Variants in EFCAB11 observed in about 807,000 individuals in gnomAD.
The protein encoded by EFCAB11 is EF-hand calcium binding domain 11, also known as EF-hand calcium-binding domain-containing protein 11.
EFCAB11 carries 14 observed loss-of-function variants against 23.0 expected under a neutral mutation model. The observed-to-expected ratio is 0.61, with a 90% CI of 0.40 to 0.95. The LOEUF is 0.95. Ranked by LOEUF, EFCAB11 falls within the 40% of genes least tolerant of loss-of-function variation. The probability of loss-of-function intolerance (pLI) is 0.00; values close to 1 mark genes in which losing one functional copy is unlikely to be tolerated. For missense variants in EFCAB11, 198 were observed against 195.8 expected (o/e 1.01, Z -0.07); for synonymous variants, 65 against 66.6 (o/e 0.98, Z 0.11).
chr14:89,881,144 A>G (rs1222751000), intron 5 of EFCAB11, among the ~76,000 whole-genome samples: 1 of 151,794 alleles, frequency 6.6e-6, no homozygotes, highest in Non-Finnish European at 1.5e-5. Flanking sequence ...ACAACTGGTG[A>G]TTATATGGTT....
chr14:89,878,425 T>C (rs1210032889), intron 5 of EFCAB11, among the ~76,000 whole-genome samples: 2 of 152,170 alleles, frequency 1.3e-5, no homozygotes, highest in African/African-American at 4.8e-5. Context: ...TGCTACCCAC[T>C]ATTTAAATAT....
intron 5 of EFCAB11, among the ~76,000 whole-genome samples, chr14:89,812,104 T>C (rs569033413): frequency 2.0e-5 from 3 of 152,194 alleles, no homozygotes. Flanking sequence ...GGAACAAATA[T>C]GCTTTTCACT....
At chr14:89,831,817 A>G (rs539433796) in intron 5 of EFCAB11, among the ~76,000 whole-genome samples, 3 of 152,372 alleles carry the variant, frequency 2.0e-5, no homozygotes, top group East Asian at 1.9e-4. Context: ...TGCTTCATAT[A>G]TAAGCAAATT....
rs780315753 is a variant in EFCAB11 at position 89,882,908 on chromosome 14, G to A, written c.410+48633C>T. On this transcript the variant is annotated intron_variant, in intron 5 of 5. Coordinates refer to ENST00000316738, the MANE Select transcript of EFCAB11 (RefSeq NM_145231.4). The stretch of plus-strand genomic sequence containing the variant: ...AGTGGGTCCTCATGAACAGATGAAT[G>A]TGCTCTCTTGGGGTTGAGGGTGAGT... Among the ~76,000 whole-genome samples the A allele has an allele frequency of 1.2e-4, 18 of 152,302 alleles. No homozygotes were observed. The South Asian group carries it at 1.7e-3, about 14-fold the overall frequency.
chr14:89,834,233 G>A (rs1049705520), intron 5 of EFCAB11, among the ~76,000 whole-genome samples: 4 of 151,678 alleles, frequency 2.6e-5, no homozygotes, highest in Admixed American at 6.6e-5. Flanking sequence ...AAAATTAGCC[G>A]AGCATGGTGG....
Position 89,950,124 on chromosome 14 carries a change from T to A in EFCAB11, c.190A>T (p.Met64Leu), listed in dbSNP as rs774173125. ...KPSKIEVDSVMSSINPNTSGI... is the reference protein window; with the variant it reads ...KPSKIEVDSVLSSINPNTSGI... ...GAAGTATTTGGATTTATTGAAGACA[T>A]CACAGAATCCACTTCTATCTAGAAA... is the stretch of plus-strand genomic sequence containing the variant. The change falls in exon 3 of 6, where the codon ATG becomes TTG. Residue 64 changes from methionine to leucine, a missense_variant. Physicochemically the swap from Met to Leu is conservative, Grantham distance 15 (BLOSUM62 2). Coordinates refer to ENST00000316738, the MANE Select transcript of EFCAB11 (RefSeq NM_145231.4). 38 of 1,557,610 alleles carry A rather than the reference T, an allele frequency of 2.4e-5. No homozygotes were observed. In the Admixed American group the frequency reaches 6.5e-4, roughly 27 times the overall value.
intron 5 of EFCAB11, among the ~76,000 whole-genome samples, chr14:89,883,410 G>T (rs1292237398): frequency 5.9e-5 from 9 of 152,146 alleles, no homozygotes; most frequent in African/African-American, 2.2e-4. Context: ...GACCTCCCAT[G>T]AACACTAAAA....
At chr14:89,857,390 GA>G (rs1887785905) in intron 5 of EFCAB11, among the ~76,000 whole-genome samples, 1 of 152,206 alleles carries the variant, frequency 6.6e-6, no homozygotes, top group African/African-American at 2.4e-5. Flanking sequence ...AGAATTGAAA[GA>G]AAACTTACTT....
chr14:89,841,684 T>G (rs924009312), intron 5 of EFCAB11, among the ~76,000 whole-genome samples: 6 of 152,090 alleles, frequency 3.9e-5, no homozygotes, highest in Non-Finnish European at 7.4e-5. Flanking sequence ...ATAGTCTGGA[T>G]TCTGTTACTT....
At chr14:89,801,165 A>G (rs1356209548) in intron 5 of EFCAB11, among the ~76,000 whole-genome samples, 1 of 152,212 alleles carries the variant, frequency 6.6e-6, no homozygotes, top group African/African-American at 2.4e-5. Flanking sequence ...GAGATGCCAT[A>G]TAAGAACAGT....
chr14:89,953,570 C>A (rs575725684), intron 2 of EFCAB11, among the ~76,000 whole-genome samples: 3 of 152,110 alleles, frequency 2.0e-5, no homozygotes, highest in Admixed American at 2.0e-4. Context: ...AAAAGTAAAA[C>A]GAGAAAGAGA....
chr14:89,832,067 C>A (rs529672158), intron 5 of EFCAB11, among the ~76,000 whole-genome samples: 26 of 152,122 alleles, frequency 1.7e-4, no homozygotes, highest in Non-Finnish European at 3.4e-4. Flanking sequence ...AATCCCAGCA[C>A]TTTAGGAGGC....
At chr14:89,918,364 C>A (rs908470800) in intron 5 of EFCAB11, among the ~76,000 whole-genome samples, 2 of 151,960 alleles carry the variant, frequency 1.3e-5, no homozygotes, top group Non-Finnish European at 2.9e-5. Context: ...CATGGTGAAA[C>A]CCCATCTCTA....
chr14:89,930,373 T>C (rs903024670), intron 5 of EFCAB11, among the ~76,000 whole-genome samples: 3 of 152,182 alleles, frequency 2.0e-5, no homozygotes, highest in Non-Finnish European at 4.4e-5. Context: ...CCAATATCCA[T>C]TCTCTCCCCC....
intron 3 of EFCAB11, among the ~76,000 whole-genome samples, chr14:89,949,880 C>G (rs1056767247): frequency 2.0e-5 from 3 of 152,086 alleles, no homozygotes; most frequent in Non-Finnish European, 4.4e-5. Context: ...AGAGCTTGTG[C>G]AGGGAAGCCC....
chr14:89,836,952 G>A, intron 5 of EFCAB11: 1 of 447,920 alleles, frequency 2.2e-6, no homozygotes, highest in South Asian at 1.6e-5. Flanking sequence ...CCAGGAGGAA[G>A]TGGAGGCTGC....
chr14:89,886,483 A>G (rs907817497), intron 5 of EFCAB11, among the ~76,000 whole-genome samples: 2 of 134,426 alleles, frequency 1.5e-5, no homozygotes, highest in Non-Finnish European at 1.5e-5. Context: ...GCGCCACTGC[A>G]CTCCAGCCTG....
intron 5 of EFCAB11, among the ~76,000 whole-genome samples, chr14:89,898,485 C>A (rs1889238869): frequency 6.6e-6 from 1 of 152,096 alleles, no homozygotes; most frequent in Admixed American, 6.6e-5. Context: ...TTGCCTCACC[C>A]TCCTGAGTGG....
At chr14:89,890,468 C>G (rs1275394287) in intron 5 of EFCAB11, among the ~76,000 whole-genome samples, 1 of 152,118 alleles carries the variant, frequency 6.6e-6, no homozygotes, top group Non-Finnish European at 1.5e-5. Context: ...AAGTGATACT[C>G]TTTTCTAACA....
Sources: allele counts gnomAD v4.1 joint callset (sites outside exome capture counted in the v4.1 genomes callset), GRCh38; gene constraint gnomAD v4.1.1; transcripts MANE v1.5; gene names NCBI Gene and HGNC (gene_info 2026-07-23, HGNC 2026-07-21).